The following TP63 variants were observed in gnomAD, a reference collection of about 807,000 sequenced individuals.
TP63 encodes tumor protein 63.
A neutral mutation model predicts 82.8 loss-of-function variants in TP63; 17 were observed. The observed-to-expected ratio is 0.21, with a 90% CI of 0.14 to 0.31. TP63 has a LOEUF of 0.31. TP63 is among the 10% of genes least tolerant of loss of function. TP63 has a pLI of 1.00. For synonymous variants in TP63, 330 were observed against 321.7 expected, an observed-to-expected ratio of 1.03 and a Z score of -0.28; for missense variants, 648 against 895.3, an observed-to-expected ratio of 0.72 and a Z score of 3.52.
At chr3:189,832,742 G>T (rs1331594677) in intron 4 of TP63, among the ~76,000 whole-genome samples, 1 of 152,162 alleles carries the variant, frequency 6.6e-6, no homozygotes, top group Admixed American at 6.5e-5. Context: ...TGTGGGAACT[G>T]GTTCATGTAA....
chr3:189,618,414 C>T, the TP63 span, among the ~76,000 whole-genome samples: 1,926 of 152,278 alleles, frequency 0.013, 45 homozygotes, highest in African/African-American at 0.044. Flanking sequence ...TGGCTGCCAC[C>T]TTATTCTTCC....
At chr3:189,610,413 C>G in the TP63 span, among the ~76,000 whole-genome samples, 1 of 152,110 alleles carries the variant, frequency 6.6e-6, no homozygotes. Context: ...TAAATCATCT[C>G]TCTCAAGTTC....
chr3:189,752,823 C>T (rs1721921207), intron 3 of TP63, among the ~76,000 whole-genome samples: 1 of 152,058 alleles, frequency 6.6e-6, no homozygotes, highest in Non-Finnish European at 1.5e-5. Context: ...GCTTTAGCTG[C>T]ATACAATACG....
intron 1 of TP63, among the ~76,000 whole-genome samples, chr3:189,734,696 A>C (rs939322038): frequency 6.6e-6 from 1 of 152,160 alleles, no homozygotes; most frequent in African/African-American, 2.4e-5. Context: ...CGAAGTCATC[A>C]GCCTTGACTT....
At position 189,820,079 on chromosome 3, in the gene TP63, A is replaced by G. The variant is rs146945053; in HGVS notation, c.579+11553A>G. On this transcript the variant is annotated intron_variant, in intron 4 of 13. Transcript: ENST00000264731. ...TTACTTTTATCTATTGTCAATGACT[A>G]CATTGAATACTTTTGTATGCAAATG... is the stretch of plus-strand genomic sequence containing the variant. 1.2e-3 allele frequency among the ~76,000 whole-genome samples: 176 copies of G among 152,314 alleles called. 1 individual carries two copies. Among genetic ancestry groups the G allele is most frequent in the African/African-American group, 3.7e-3 (155 of 41,570 alleles).
At chr3:189,756,075 A>G (rs1019070793) in intron 3 of TP63, among the ~76,000 whole-genome samples, 1 of 152,160 alleles carries the variant, frequency 6.6e-6, no homozygotes, top group African/African-American at 2.4e-5. Context: ...ACTTTCACCT[A>G]AGGTTAATCT....
chr3:189,656,431 A>C (rs1713368964), intron 1 of TP63, among the ~76,000 whole-genome samples: 1 of 152,170 alleles, frequency 6.6e-6, no homozygotes, highest in Non-Finnish European at 1.5e-5. Context: ...GCATAAGGGT[A>C]TGTATGGGAG....
At chr3:189,742,408 G>A (rs914495838) in intron 3 of TP63, among the ~76,000 whole-genome samples, 1 of 141,108 alleles carries the variant, frequency 7.1e-6, no homozygotes, top group Non-Finnish European at 1.6e-5. Flanking sequence ...TCTTACTTTC[G>A]CAATTTTTTT....
intron 4 of TP63, among the ~76,000 whole-genome samples, chr3:189,848,271 G>T (rs1229308101): frequency 1.8e-3 from 72 of 39,056 alleles, no homozygotes; most frequent in Admixed American, 3.3e-3. Flanking sequence ...CTCTCTCTCT[G>T]TTGCCTAGGC....
intron 13 of TP63, among the ~76,000 whole-genome samples, chr3:189,892,065 C>G (rs1721079970): frequency 6.6e-6 from 1 of 152,108 alleles, no homozygotes; most frequent in Admixed American, 6.6e-5. Context: ...TAAGCAAAAA[C>G]TGCAGGGAAA....
intron 3 of TP63, among the ~76,000 whole-genome samples, chr3:189,779,942 G>A (rs1163190269): frequency 6.6e-6 from 1 of 152,100 alleles, no homozygotes; most frequent in Non-Finnish European, 1.5e-5. Flanking sequence ...ATTTCAGTGT[G>A]GGATTCATGA....
intron 3 of TP63, among the ~76,000 whole-genome samples, chr3:189,741,470 A>G (rs950961407): frequency 6.6e-6 from 1 of 152,092 alleles, no homozygotes; most frequent in Non-Finnish European, 1.5e-5. Context: ...CTTTTTTCCC[A>G]TTACTTGGTA....
chr3:189,861,605 T>C (rs1185716710), intron 4 of TP63, among the ~76,000 whole-genome samples: 1 of 152,166 alleles, frequency 6.6e-6, no homozygotes, highest in Non-Finnish European at 1.5e-5. Context: ...TTCAACTCTA[T>C]CACTTGCTGC....
At chr3:189,624,212 A>G in the TP63 span, among the ~76,000 whole-genome samples, 2 of 152,160 alleles carry the variant, frequency 1.3e-5, no homozygotes, top group South Asian at 4.1e-4. Flanking sequence ...GTACAGTTTC[A>G]TAGTGGTAAA....
chr3:189,772,586 C>T (rs1403167591), intron 3 of TP63, among the ~76,000 whole-genome samples: 1 of 152,160 alleles, frequency 6.6e-6, no homozygotes, highest in Non-Finnish European at 1.5e-5. Context: ...CAAGGATTTT[C>T]CTCTGATGAG....
intron 1 of TP63, among the ~76,000 whole-genome samples, chr3:189,631,827 A>G (rs908631814): frequency 4.6e-5 from 7 of 152,170 alleles, no homozygotes; most frequent in Non-Finnish European, 8.8e-5. Context: ...TTATCACGCC[A>G]TTTAAGAATG....
chr3:189,878,208 G>A (rs191088843), intron 10 of TP63, among the ~76,000 whole-genome samples: 33 of 152,162 alleles, frequency 2.2e-4, no homozygotes, highest in Admixed American at 2.2e-3. Flanking sequence ...AAGGTACACG[G>A]TCTCCAAACT....
intron 1 of TP63, among the ~76,000 whole-genome samples, chr3:189,703,284 A>C (rs1036715464): frequency 5.9e-5 from 9 of 152,316 alleles, no homozygotes; most frequent in Admixed American, 2.6e-4. Context: ...AAATAGAAAA[A>C]TTAGCTGGTC....
intron 4 of TP63, among the ~76,000 whole-genome samples, chr3:189,819,100 A>G (rs554887486): frequency 2.6e-5 from 4 of 152,338 alleles, no homozygotes; most frequent in African/African-American, 9.6e-5. Context: ...TTTTCATAGT[A>G]GGAATTTGGA....
Sources: gnomAD v4.1 joint callset for allele counts (sites outside exome capture counted in the v4.1 genomes callset) on GRCh38, gnomAD v4.1.1 for gene constraint, MANE v1.5 for transcripts, NCBI Gene and HGNC (gene_info 2026-07-23, HGNC 2026-07-21) for gene names.